Variants in SECTM1 observed in about 807,000 individuals in gnomAD.
SECTM1 encodes the protein secreted and transmembrane 1, also known as secreted and transmembrane protein 1.
In SECTM1, 10 loss-of-function variants were observed where a neutral mutation model predicts 18.1. The ratio of observed to expected loss-of-function variants is 0.55; its 90% CI spans 0.34 to 0.94. The LOEUF (loss-of-function observed/expected upper bound fraction) is 0.94, where lower values mean the gene tolerates loss of function less well. SECTM1 is among the 40% of genes least tolerant of loss of function. SECTM1 has a pLI of 0.02. For synonymous variants in SECTM1, 137 were observed against 139.2 expected, an observed-to-expected ratio of 0.98 and a Z score of 0.11; for missense variants, 297 against 322.6, an observed-to-expected ratio of 0.92 and a Z score of 0.61.
At chr17:82,322,466 C>G in intron 4 of SECTM1, 96 bp from the exon 5 acceptor site, 1 of 1,169,056 alleles carries the variant, frequency 8.6e-7, no homozygotes, top group South Asian at 1.3e-5. Flanking sequence ...GGCATACGTG[C>G]TCATGCACAC....
At position 82,324,684 on chromosome 17, in the gene SECTM1, G is replaced by A; in HGVS notation, c.301C>T (p.Gln101Ter). ...TCCCGGGCGCCTTTGATCACCAGCT[G>A]TGCCACGCCTCCCTGAACCTGGAGC... ...WQLQVQGGVA[Q>*]LVIKGARDSH... is the part of the protein sequence containing the mutation. Residue 101 changes from glutamine (Q) to a stop codon, truncating the protein, a stop_gained, in exon 3 of 5, where the codon CAG becomes TAG. Transcript: ENST00000269389. LOFTEE classifies it high-confidence loss of function. 3.1e-6 allele frequency: 5 copies of A among 1,614,094 alleles called. No homozygotes were observed. The highest frequency in any genetic ancestry group is 3.4e-6 in the Non-Finnish European group (4 of 1,180,022).
chr17:82,322,821 G>T, intron 4 of SECTM1, 57 bp downstream of exon 4: 1 of 1,596,714 alleles, frequency 6.3e-7, no homozygotes, highest in East Asian at 2.2e-5. Flanking sequence ...CCTCAGCCTG[G>T]GGCAGCCCCA....
rs761843898 is a variant in SECTM1 at position 82,330,668 on chromosome 17, G to T, written c.-53+3032C>A. ...GTCTGCCCGCTGTGCATTCCATGGGGCCAGCAGCTCGGTGGAGCCTCTGCT... is the reference window on the plus strand; with the variant it reads ...GTCTGCCCGCTGTGCATTCCATGGGTCCAGCAGCTCGGTGGAGCCTCTGCT... On this transcript the variant is annotated intron_variant, in intron 1 of 4. Transcript: ENST00000269389. The surrounding 1 kb of genome is among the most constrained non-coding windows in gnomAD (Gnocchi z 6.1). Among the ~76,000 whole-genome samples the T allele has an allele frequency of 2.0e-5, 3 of 152,070 alleles. No homozygotes were observed. Among genetic ancestry groups the T allele is most frequent in the Non-Finnish European group, 4.4e-5 (3 of 67,948 alleles).
At chr17:82,322,735 G>C in intron 4 of SECTM1, 143 bp downstream of exon 4, 1 of 1,066,342 alleles carries the variant, frequency 9.4e-7, no homozygotes, top group Non-Finnish European at 1.3e-6. Flanking sequence ...GGCCCCTGGC[G>C]GGGACTGGCT....
At chr17:82,323,260 T>A in intron 3 of SECTM1, 2 of 515,330 alleles carry the variant, frequency 3.9e-6, no homozygotes, top group Non-Finnish European at 7.0e-6. Context: ...CATCTACCCC[T>A]GGATGTGCCA....
At chr17:82,324,062 G>C (rs1200959455) in intron 3 of SECTM1, among the ~76,000 whole-genome samples, 1 of 152,044 alleles carries the variant, frequency 6.6e-6, no homozygotes, top group Non-Finnish European at 1.5e-5. Flanking sequence ...GCGACCTTGA[G>C]CACCTCTGGG....
chr17:82,331,874 G>A (rs897021856), intron 1 of SECTM1, among the ~76,000 whole-genome samples: 4 of 152,192 alleles, frequency 2.6e-5, no homozygotes, highest in Non-Finnish European at 5.9e-5. Context: ...GCGCGGTGGC[G>A]CATGCCTGCA....
rs747724653 is a variant in SECTM1, at chr17:82,323,241, C to T, written c.404-230G>A. 1.2e-4 allele frequency: 64 copies of T among 551,012 alleles called. 5 individuals are homozygous for T. The highest frequency in any genetic ancestry group is 1.0e-3 in the Admixed American group (32 of 30,566). 34.1% of individuals were successfully genotyped at this position (551,012 alleles called of 1,614,324 possible). ...CCAGAGCGCAGGTGTGTCGGGGCAG[C>T]GAGGGAAACATCTACCCCTGGATGT... On this transcript the variant is annotated intron_variant, in intron 3 of 4. Coordinates refer to ENST00000269389, the MANE Select transcript of SECTM1 (RefSeq NM_003004.3).
At chr17:82,333,501 C>A (rs1270466430) in intron 1 of SECTM1, among the ~76,000 whole-genome samples, 199 bp downstream of exon 1, 1 of 145,570 alleles carries the variant, frequency 6.9e-6, no homozygotes. Context: ...GAGGCAGAGG[C>A]GCCGCAGCCC....
intron 1 of SECTM1, among the ~76,000 whole-genome samples, chr17:82,333,494 G>A (rs1434990453): frequency 6.7e-6 from 1 of 149,474 alleles, no homozygotes; most frequent in Non-Finnish European, 1.5e-5. Flanking sequence ...GGTCCCAGAG[G>A]CAGAGGCGCC....
intron 1 of SECTM1, among the ~76,000 whole-genome samples, chr17:82,332,384 C>T (rs1377581057): frequency 6.6e-6 from 1 of 152,196 alleles, no homozygotes; most frequent in Non-Finnish European, 1.5e-5. Context: ...CCCTGGTGCC[C>T]CGGGCGCCTG....
chr17:82,326,494 G>A lies in SECTM1; in HGVS notation c.94+653C>T, dbSNP rs1328967123. Among the ~76,000 whole-genome samples, 1 of 152,168 alleles carries A rather than the reference G, an allele frequency of 6.6e-6. No individual in the cohort carries two copies. The highest frequency in any genetic ancestry group is 1.9e-4 in the East Asian group (1 of 5,192). Reference sequence around the variant, plus strand: ...CATGCCTGTAGTCCCAGCTACTCGGGAGGCTGAGGTGGGAGGATCACCTGA... The same window carrying A: ...CATGCCTGTAGTCCCAGCTACTCGGAAGGCTGAGGTGGGAGGATCACCTGA... On this transcript the variant is annotated intron_variant, in intron 2 of 4. Transcript: ENST00000269389. This position sits in a 1 kb window ranked among gnomAD's most constrained non-coding sequence, Gnocchi z 4.3.
intron 1 of SECTM1, among the ~76,000 whole-genome samples, chr17:82,333,473 CG>C (rs1457093756): frequency 6.6e-6 from 1 of 151,750 alleles, no homozygotes; most frequent in East Asian, 1.9e-4. Flanking sequence ...TCAGGGCCAG[CG>C]GGGGGTGACG....
At chr17:82,327,751 A>G (rs1185979003) in intron 1 of SECTM1, among the ~76,000 whole-genome samples, 1 of 152,060 alleles carries the variant, frequency 6.6e-6, no homozygotes, top group African/African-American at 2.4e-5. Context: ...CATGTGTTTG[A>G]TATCACTGCA....
At chr17:82,333,360 G>A (rs998779995) in intron 1 of SECTM1, among the ~76,000 whole-genome samples, 39 of 152,274 alleles carry the variant, frequency 2.6e-4, no homozygotes, top group African/African-American at 8.2e-4. Context: ...CGAGCCTGGC[G>A]CACAGGGCAG....
rs922412572 is a variant in SECTM1, at chr17:82,326,338, G to A, written c.94+809C>T. On this transcript the variant is annotated intron_variant, in intron 2 of 4. Coordinates refer to ENST00000269389, the MANE Select transcript of SECTM1 (RefSeq NM_003004.3). This position sits in a 1 kb window ranked among gnomAD's most constrained non-coding sequence, Gnocchi z 4.3. ...CCCCTCGGGTGGCTCAGTGGCTCAC[G>A]CCTGTAATCCCAGCACTTTGGGAGG... Among the ~76,000 whole-genome samples the A allele has an allele frequency of 3.3e-5, 5 of 152,132 alleles. No homozygotes were observed. The highest frequency in any genetic ancestry group is 3.8e-4 in the East Asian group (2 of 5,196).
chr17:82,324,713 C>G lies in SECTM1; in HGVS notation c.272G>C (p.Trp91Ser), dbSNP rs2052130263. ...VAPGYFSRDG[W>S]QLQVQGGVAQ... is the part of the protein sequence containing the mutation. Reference sequence around the variant, plus strand: ...CACGCCTCCCTGAACCTGGAGCTGCCAGCCGTCCCGGGAGAAGTAGCCTGG... The same window carrying G: ...CACGCCTCCCTGAACCTGGAGCTGCGAGCCGTCCCGGGAGAAGTAGCCTGG... The change falls in exon 3 of 5, where the codon TGG becomes TCG. Residue 91 changes from tryptophan to serine, a missense_variant. Coordinates refer to ENST00000269389, the MANE Select transcript of SECTM1 (RefSeq NM_003004.3). The G allele has an allele frequency of 6.2e-7, 1 of 1,614,070 alleles. No homozygotes were observed. Among genetic ancestry groups the G allele is most frequent in the African/African-American group, 1.3e-5 (1 of 74,910 alleles).
intron 3 of SECTM1, among the ~76,000 whole-genome samples, chr17:82,324,231 G>T (rs1418056392): frequency 6.6e-6 from 1 of 151,974 alleles, no homozygotes; most frequent in Non-Finnish European, 1.5e-5. Context: ...GCAGGGTGCA[G>T]CCCCCACCCC....
chr17:82,322,058 G>A lies in SECTM1; in HGVS notation c.*103C>T. 8.8e-7 allele frequency: 1 copy of A among 1,139,646 alleles called. No individual in the cohort carries two copies. The highest frequency in any genetic ancestry group is 1.3e-6 in the Non-Finnish European group (1 of 773,762). 70.6% of individuals were successfully genotyped at this position (1,139,646 alleles called of 1,614,324 possible). ...CACAGAGGCCCAGCCTGCCAAGCAA[G>A]CCGGTGTCTGTGCCCTCCGGGTGGG... On this transcript the variant is annotated 3_prime_UTR_variant, in exon 5 of 5. Transcript: ENST00000269389.
Sources: allele counts gnomAD v4.1 joint callset (sites outside exome capture counted in the v4.1 genomes callset), GRCh38; gene constraint gnomAD v4.1.1; non-coding constraint Gnocchi (gnomAD v3.1); transcripts MANE v1.5; gene names NCBI Gene and HGNC (gene_info 2026-07-23, HGNC 2026-07-21).